SYNPR: variants seen among roughly 807,000 people sequenced by gnomAD.
SYNPR encodes the protein synaptoporin.
In SYNPR, 23 loss-of-function variants were observed where a neutral mutation model predicts 32.9. The observed-to-expected ratio is 0.70, with a 90% CI of 0.50 to 0.99. The LOEUF (loss-of-function observed/expected upper bound fraction) is 0.99. Among genes scored for constraint, SYNPR ranks in the 50% least tolerant of loss-of-function variants. The probability of loss-of-function intolerance (pLI) is 0.00; values close to 1 mark genes in which losing one functional copy is unlikely to be tolerated. For synonymous variants in SYNPR, 146 were observed against 135.9 expected (o/e 1.07, Z -0.52); for missense variants, 318 against 349.3 (o/e 0.91, Z 0.71).
At chr3:63,298,349 T>C (rs544332929) in intron 2 of SYNPR, among the ~76,000 whole-genome samples, 7 of 152,192 alleles carry the variant, frequency 4.6e-5, no homozygotes, top group Non-Finnish European at 2.9e-5. Flanking sequence ...GATCTAGTTA[T>C]ATACATCACC....
At chr3:63,258,225 T>C (rs577040662) in intron 2 of SYNPR, among the ~76,000 whole-genome samples, 8 of 152,198 alleles carry the variant, frequency 5.3e-5, no homozygotes, top group East Asian at 1.9e-4. Context: ...GCGGACCTAA[T>C]AGACATCTAC....
chr3:63,432,649 A>G (rs1559497942), intron 2 of SYNPR, among the ~76,000 whole-genome samples: 1 of 152,204 alleles, frequency 6.6e-6, no homozygotes, highest in Non-Finnish European at 1.5e-5. Context: ...AAAGAGGCAG[A>G]CCCAGATAAG....
intron 2 of SYNPR, among the ~76,000 whole-genome samples, chr3:63,450,956 C>G (rs1201623868): frequency 6.6e-6 from 1 of 152,216 alleles, no homozygotes; most frequent in Non-Finnish European, 1.5e-5. Context: ...AAACTATCTT[C>G]TACCTGCATT....
chr3:63,274,911 C>G (rs113095662), upstream of SYNPR, among the ~76,000 whole-genome samples: 1,079 of 152,244 alleles, frequency 7.1e-3, 11 homozygotes, highest in African/African-American at 0.024. Flanking sequence ...GGGCCCAAAT[C>G]ACCCTCTATT....
the SYNPR span, among the ~76,000 whole-genome samples, chr3:63,209,060 C>T: frequency 6.6e-6 from 1 of 152,114 alleles, no homozygotes; most frequent in Non-Finnish European, 1.5e-5. Flanking sequence ...TGTATAAACT[C>T]ATCATCATTA....
At chr3:63,391,168 G>A (rs2088129130) in intron 2 of SYNPR, among the ~76,000 whole-genome samples, 1 of 152,152 alleles carries the variant, frequency 6.6e-6, no homozygotes, top group South Asian at 2.1e-4. Context: ...CCTTAGCCAG[G>A]CTTGAGAATG....
chr3:63,205,688 T>C, the SYNPR span, among the ~76,000 whole-genome samples: 1 of 152,226 alleles, frequency 6.6e-6, no homozygotes, highest in African/African-American at 2.4e-5. Flanking sequence ...ATTCAGCTGA[T>C]CTCTGAGAAT....
At chr3:63,404,936 G>C (rs1472433647) in intron 2 of SYNPR, among the ~76,000 whole-genome samples, 1 of 152,122 alleles carries the variant, frequency 6.6e-6, no homozygotes, top group African/African-American at 2.4e-5. Flanking sequence ...ACTCTATGTA[G>C]TCAGAAATTA....
At chr3:63,264,403 A>AAAT (rs1553861958) in intron 2 of SYNPR, among the ~76,000 whole-genome samples, 389 of 152,176 alleles carry the variant, frequency 2.6e-3, no homozygotes, top group African/African-American at 8.8e-3. Flanking sequence ...TTTGAAAAAA[A>AAAT]TCATTTCAAA....
Position 63,278,657 on chromosome 3 carries a change from C to G in SYNPR, c.19-20C>G, listed in dbSNP as rs1367172329. On this transcript the variant is annotated intron_variant, in intron 1 of 5. Coordinates refer to ENST00000478300, the MANE Select transcript of SYNPR (RefSeq NM_001130003.2). ...CTTCCTCACGCTTTGCTTTCTCTCTCTCGCCTCATTCCCCCAAAGCTGGCC... is the reference window on the plus strand; with the variant it reads ...CTTCCTCACGCTTTGCTTTCTCTCTGTCGCCTCATTCCCCCAAAGCTGGCC... The G allele has an allele frequency of 6.4e-7, 1 of 1,551,632 alleles. No homozygotes were observed. Among genetic ancestry groups the G allele is most frequent in the South Asian group, 1.2e-5 (1 of 84,064 alleles).
Position 63,569,714 on chromosome 3 carries a change from C to T in SYNPR, c.408+12973C>T, listed in dbSNP as rs546608762. Among the ~76,000 whole-genome samples the T allele has an allele frequency of 2.6e-5, 4 of 152,358 alleles. No homozygotes were observed. In the South Asian group the frequency reaches 8.3e-4, roughly 32 times the overall value. Reference sequence around the variant, plus strand: ...TGCATGCCCTCAGCTTTGGCAGTATCCTTTCTCATTGAGACTCAAAAAGTG... The same window carrying T: ...TGCATGCCCTCAGCTTTGGCAGTATTCTTTCTCATTGAGACTCAAAAAGTG... On this transcript the variant is annotated intron_variant, in intron 4 of 5. Coordinates refer to ENST00000478300, the MANE Select transcript of SYNPR (RefSeq NM_001130003.2).
At chr3:63,435,126 C>T (rs6771399) in intron 2 of SYNPR, among the ~76,000 whole-genome samples, 2,371 of 152,284 alleles carry the variant, frequency 0.016, 53 homozygotes, top group African/African-American at 0.046. Context: ...GCTAAACTTG[C>T]GCACATTCGC....
At chr3:63,207,069 T>C in the SYNPR span, among the ~76,000 whole-genome samples, 1 of 152,244 alleles carries the variant, frequency 6.6e-6, no homozygotes, top group African/African-American at 2.4e-5. Context: ...TTTCAGGTCC[T>C]ATTGGCAATG....
intron 4 of SYNPR, among the ~76,000 whole-genome samples, chr3:63,566,452 T>C (rs546247878): frequency 2.4e-4 from 36 of 152,298 alleles, no homozygotes; most frequent in African/African-American, 7.9e-4. Context: ...CTTTTTCAGA[T>C]TCAAGAATAA....
At chr3:63,270,899 TTC>T in intron 3 of SYNPR, among the ~76,000 whole-genome samples, 24 of 55,976 alleles carry the variant, frequency 4.3e-4, no homozygotes, top group African/African-American at 1.4e-3. Flanking sequence ...TTCCTTCCTT[TTC>T]TTTCCTTCCT....
At position 63,508,068 on chromosome 3, in the gene SYNPR, T is replaced by C. The variant is rs190711854; in HGVS notation, c.209+27112T>C. Among the ~76,000 whole-genome samples, 211 of 152,252 alleles carry C rather than the reference T, an allele frequency of 1.4e-3. 1 individual carries two copies. Among genetic ancestry groups the C allele is most frequent in the Admixed American group, 2.2e-3 (34 of 15,284 alleles). On this transcript the variant is annotated intron_variant, in intron 3 of 5. Coordinates refer to ENST00000478300, the MANE Select transcript of SYNPR (RefSeq NM_001130003.2). ...ATATCGTCAACATTCTTTTGTACTGTCTTCAAAATCCAGATTCAATTCAGA... is the reference window on the plus strand; with the variant it reads ...ATATCGTCAACATTCTTTTGTACTGCCTTCAAAATCCAGATTCAATTCAGA...
At chr3:63,565,350 G>T (rs1702762849) in intron 4 of SYNPR, among the ~76,000 whole-genome samples, 1 of 152,156 alleles carries the variant, frequency 6.6e-6, no homozygotes, top group Non-Finnish European at 1.5e-5. Context: ...CTGGAGGCTG[G>T]AAAGTCCAAG....
chr3:63,486,727 T>C (rs772812441), intron 3 of SYNPR, among the ~76,000 whole-genome samples: 3 of 152,214 alleles, frequency 2.0e-5, no homozygotes, highest in Non-Finnish European at 2.9e-5. Flanking sequence ...TCATATTATA[T>C]AGTATTACTC....
chr3:63,227,653 C>A (rs2086138774), upstream of SYNPR, among the ~76,000 whole-genome samples: 1 of 152,286 alleles, frequency 6.6e-6, no homozygotes, highest in East Asian at 1.9e-4. Context: ...TATGAAATAA[C>A]TGCTCTATCT....
Sources: allele counts gnomAD v4.1 joint callset (sites outside exome capture counted in the v4.1 genomes callset), GRCh38; gene constraint gnomAD v4.1.1; transcripts MANE v1.5; gene names NCBI Gene and HGNC (gene_info 2026-07-23, HGNC 2026-07-21).